ABI1: variants seen among roughly 807,000 people sequenced by gnomAD.
ABI1 encodes the protein abl interactor 1, also known as Abelson interactor 1.
In ABI1, 14 loss-of-function variants were observed where a neutral mutation model predicts 54.6. The ratio of observed to expected loss-of-function variants is 0.26; its 90% CI spans 0.17 to 0.40. ABI1 has a LOEUF of 0.40. Ranked by LOEUF, ABI1 falls within the 10% of genes least tolerant of loss-of-function variation. ABI1 has a pLI of 1.00. For synonymous variants in ABI1, 194 were observed against 209.3 expected (o/e 0.93, Z 0.63); for missense variants, 443 against 598.3 (o/e 0.74, Z 2.71).
intron 7 of ABI1, among the ~76,000 whole-genome samples, chr10:26,764,946 GA>G (rs1312637461): frequency 6.6e-6 from 1 of 152,064 alleles, no homozygotes; most frequent in South Asian, 2.1e-4. Context: ...ACTGAGGAAT[GA>G]ATATATTTCT....
chr10:26,847,411 C>T (rs2050061774), intron 1 of ABI1, among the ~76,000 whole-genome samples: 1 of 152,068 alleles, frequency 6.6e-6, no homozygotes, highest in South Asian at 2.1e-4. Flanking sequence ...CCCCTGACCC[C>T]AGGAGTTCAA....
chr10:26,759,407 C>T lies in ABI1; in HGVS notation c.821-169G>A, dbSNP rs751890246. On this transcript the variant is annotated intron_variant, in intron 7 of 10. Transcript: ENST00000376140. The stretch of plus-strand genomic sequence containing the variant: ...AAGATAAAAATCAGTAACTTTATCT[C>T]CAAAGTCAAAAACAGAGAGAAAAAA... 2.2e-4 allele frequency among the ~76,000 whole-genome samples: 34 copies of T among 151,866 alleles called. 1 individual carries two copies. Among genetic ancestry groups the T allele is most frequent in the Non-Finnish European group, 3.8e-4 (26 of 67,966 alleles).
intron 8 of ABI1, among the ~76,000 whole-genome samples, chr10:26,757,000 G>C (rs770359890): frequency 1.3e-5 from 2 of 151,948 alleles, no homozygotes; most frequent in Non-Finnish European, 2.9e-5. Flanking sequence ...TCTATAGAAG[G>C]CTCCTAAATA....
At chr10:26,849,131 C>A (rs190200692) in intron 1 of ABI1, among the ~76,000 whole-genome samples, 2 of 152,062 alleles carry the variant, frequency 1.3e-5, no homozygotes, top group African/African-American at 4.8e-5. Flanking sequence ...AGGGGGTCCA[C>A]GAGGTCTAAA....
intron 3 of ABI1, 22 bp from the exon 4 acceptor site, chr10:26,771,111 G>C (rs768129653): frequency 1.1e-5 from 18 of 1,613,226 alleles, no homozygotes; most frequent in Non-Finnish European, 1.0e-5. Context: ...CAAAAAAAGG[G>C]GGGGAAAAAG....
At chr10:26,856,433 CAAAAAAAAAAAAAAAA>C (rs58195958) in intron 1 of ABI1, among the ~76,000 whole-genome samples, 8 of 57,780 alleles carry the variant, frequency 1.4e-4, no homozygotes, top group East Asian at 1.3e-3. Context: ...ATCTGTTACT[CAAAAAAAAAAAAAAAA>C]AAAAAAAAAA....
chr10:26,788,529 G>T (rs1326797742), intron 2 of ABI1, among the ~76,000 whole-genome samples: 1 of 152,164 alleles, frequency 6.6e-6, no homozygotes, highest in African/African-American at 2.4e-5. Flanking sequence ...GAAATATGAT[G>T]AATGTGATTT....
At position 26,791,027 on chromosome 10, in the gene ABI1, C is replaced by T. The variant is rs546799119; in HGVS notation, c.286-13786G>A. On this transcript the variant is annotated intron_variant, in intron 2 of 10. Transcript: ENST00000376140. The stretch of plus-strand genomic sequence containing the variant: ...TCAAGGCTGCAGTGAGCCACAATCA[C>T]ACCACTGCACTACAGCCCAGGTAAG... 4.4e-5 allele frequency among the ~76,000 whole-genome samples: 6 copies of T among 135,948 alleles called. No individual in the cohort carries two copies. In the East Asian group the frequency reaches 1.1e-3, roughly 26 times the overall value. The allele number at this position is 135,948 out of a possible 152,430, so 89.2% of individuals were successfully genotyped here. A position where few individuals can be genotyped will look rare whatever the true frequency, so the allele number is the denominator to read the frequency against.
chr10:26,771,925 G>C (rs921429370), intron 3 of ABI1, among the ~76,000 whole-genome samples: 1 of 150,570 alleles, frequency 6.6e-6, no homozygotes, highest in Admixed American at 6.6e-5. Flanking sequence ...CTTGTACAAT[G>C]CCACTAAAAA....
At chr10:26,775,615 T>C (rs1230322650) in intron 3 of ABI1, among the ~76,000 whole-genome samples, 1 of 152,184 alleles carries the variant, frequency 6.6e-6, no homozygotes, top group East Asian at 1.9e-4. Flanking sequence ...CTTACACATA[T>C]ACGATGAAAT....
Position 26,762,059 on chromosome 10 carries a change from C to T in ABI1, c.821-2821G>A, listed in dbSNP as rs566665038. 1.0e-3 allele frequency among the ~76,000 whole-genome samples: 158 copies of T among 152,112 alleles called. 1 individual carries two copies. The highest frequency in any genetic ancestry group is 3.7e-3 in the African/African-American group (153 of 41,498). ...TCTCACTCTGTCACCCAGGCTAGAG[C>T]GCAGTGGCACAATCTCAGCTCTCTG... On this transcript the variant is annotated intron_variant, in intron 7 of 10. Transcript: ENST00000376140.
intron 1 of ABI1, among the ~76,000 whole-genome samples, chr10:26,830,214 T>C (rs2048572628): frequency 6.6e-6 from 1 of 152,236 alleles, no homozygotes; most frequent in African/African-American, 2.4e-5. Flanking sequence ...TCTGGGCTAC[T>C]AAGAATATTT....
At chr10:26,826,381 G>C (rs895069199) in intron 1 of ABI1, among the ~76,000 whole-genome samples, 8 of 152,198 alleles carry the variant, frequency 5.3e-5, no homozygotes, top group African/African-American at 1.9e-4. Context: ...AAACCATGCT[G>C]TAAACAGATA....
intron 1 of ABI1, among the ~76,000 whole-genome samples, chr10:26,855,482 A>T (rs1054737140): frequency 5.9e-5 from 9 of 152,230 alleles, no homozygotes; most frequent in Admixed American, 3.3e-4. Flanking sequence ...CTTAACTTTT[A>T]TGAGTCCTAA....
chr10:26,767,025 T>C (rs577996979), intron 6 of ABI1, among the ~76,000 whole-genome samples: 1 of 152,250 alleles, frequency 6.6e-6, no homozygotes, highest in South Asian at 2.1e-4. Flanking sequence ...ATCTGGCCCT[T>C]TATAGAAAAA....
chr10:26,780,373 G>A (rs1841951854), intron 2 of ABI1, among the ~76,000 whole-genome samples: 1 of 152,132 alleles, frequency 6.6e-6, no homozygotes, highest in Non-Finnish European at 1.5e-5. Flanking sequence ...GATAACAGGT[G>A]TATCCCACCA....
rs1401130739 is a variant in ABI1, at chr10:26,755,684, G to C, written c.1055C>G (p.Thr352Arg). The change falls in exon 9 of 11, where the codon ACA becomes AGA. Residue 352 changes from threonine (T) to arginine (R), a missense_variant. By Grantham distance (71) the Thr-to-Arg change is moderately conservative. Transcript: ENST00000376140. Reference protein sequence around the residue: ...MPQLTPQIPLTGFVARVQENI... With the variant: ...MPQLTPQIPLRGFVARVQENI... ...TTCCTGCACCCTGGCCACGAAGCCT[G>C]TGAGAGGTATCTGTGGAGTCAACTG... The C allele has an allele frequency of 6.2e-7, 1 of 1,613,652 alleles. No individual in the cohort carries two copies. Among genetic ancestry groups the C allele is most frequent in the Non-Finnish European group, 8.5e-7 (1 of 1,179,690 alleles).
intron 2 of ABI1, among the ~76,000 whole-genome samples, chr10:26,779,156 C>G (rs1437357732): frequency 6.6e-6 from 1 of 152,020 alleles, no homozygotes; most frequent in Non-Finnish European, 1.5e-5. Flanking sequence ...CTGATGGGGA[C>G]AAAACTTTCT....
At chr10:26,831,267 G>C (rs748193588) in intron 1 of ABI1, among the ~76,000 whole-genome samples, 1 of 152,024 alleles carries the variant, frequency 6.6e-6, no homozygotes. Context: ...ATGTGGCTGG[G>C]CATGGTGGTT....
Sources: allele counts gnomAD v4.1 joint callset (sites outside exome capture counted in the v4.1 genomes callset), GRCh38; gene constraint gnomAD v4.1.1; transcripts MANE v1.5; gene names NCBI Gene and HGNC (gene_info 2026-07-23, HGNC 2026-07-21).